The following CDK11B variants were observed in gnomAD, a reference collection of about 807,000 sequenced individuals.
The protein encoded by CDK11B is cyclin dependent kinase 11B.
In CDK11B, 37 loss-of-function variants were observed where a neutral mutation model predicts 84.0. That is an observed-to-expected ratio of 0.44 (90% confidence interval 0.34 to 0.58). The LOEUF (loss-of-function observed/expected upper bound fraction) is 0.58, where lower values mean the gene tolerates loss of function less well. Ranked by LOEUF, CDK11B falls within the 20% of genes least tolerant of loss-of-function variation. The pLI is 0.02. For synonymous variants in CDK11B, 269 were observed against 309.8 expected, an observed-to-expected ratio of 0.87 and a Z score of 1.38; for missense variants, 427 against 834.0, an observed-to-expected ratio of 0.51 and a Z score of 6.01.
intron 14 of CDK11B, 99 bp from the exon 15 acceptor site, chr1:1,637,301 C>T (rs1288431059): frequency 1.5e-5 from 23 of 1,570,208 alleles, no homozygotes; most frequent in Non-Finnish European, 2.0e-5. Context: ...CTTCTCAGGG[C>T]TTTCCCTGTG....
chr1:1,652,497 G>A lies in CDK11B; in HGVS notation c.297C>T (p.His99=). 1 of 1,513,416 alleles carries A rather than the reference G, an allele frequency of 6.6e-7. No individual in the cohort carries two copies. The highest frequency in any genetic ancestry group is 8.8e-7 in the Non-Finnish European group (1 of 1,140,204). 93.7% of individuals were successfully genotyped at this position (1,513,416 alleles called of 1,614,324 possible). A position where few individuals can be genotyped will look rare whatever the true frequency, so the allele number is the denominator to read the frequency against. ...QQMSRKEKAH[H]RKDEKRKEKR... ...TCTCTTTTCTCTTTTCATCTTTTCT[G>A]TGATGAGCTTTTTCTTTCCGAGACA... Residue 99 remains histidine, a synonymous_variant, in exon 4 of 20, where the codon CAC becomes CAT. Transcript: ENST00000341832.
At chr1:1,650,986 T>C (rs1488904684) in intron 4 of CDK11B, among the ~76,000 whole-genome samples, 13 of 152,172 alleles carry the variant, frequency 8.5e-5, no homozygotes, top group South Asian at 2.1e-4. Context: ...AATACAAAAA[T>C]CACTCTTCAC....
intron 6 of CDK11B, among the ~76,000 whole-genome samples, chr1:1,643,531 A>C (rs1196471219): frequency 6.7e-6 from 1 of 148,634 alleles, no homozygotes; most frequent in Non-Finnish European, 1.5e-5. Context: ...CTGACGGTAG[A>C]TGTCCCAAAG....
chr1:1,640,935 G>A lies in CDK11B; in HGVS notation c.1075+113C>T, dbSNP rs568255325. On this transcript the variant is annotated intron_variant, in intron 10 of 19. Transcript: ENST00000341832. ...GCCTGGAGCGGCCAACGAATCAGGC[G>A]GCCTCCCAGACCCTGGCGTGCCCCA... 2.7e-4 allele frequency: 400 copies of A among 1,493,436 alleles called. 2 individuals are homozygous for A. The highest frequency in any genetic ancestry group is 3.2e-4 in the Non-Finnish European group (357 of 1,111,688). 92.5% of individuals were successfully genotyped at this position (1,493,436 alleles called of 1,614,324 possible).
chr1:1,658,255 G>A (rs1386219966), intron 1 of CDK11B, among the ~76,000 whole-genome samples: 1 of 149,996 alleles, frequency 6.7e-6, no homozygotes, highest in Non-Finnish European at 1.5e-5. Flanking sequence ...TGAGATGGGA[G>A]ACCGATTGAG....
chr1:1,639,387 G>A lies in CDK11B; in HGVS notation c.1252-797C>T, dbSNP rs371972183. ...AGCTATGATTAAGCCACTCCACTCC[G>A]GCCTGGGTGACAGAGACAGACCCAG... On this transcript the variant is annotated intron_variant, in intron 11 of 19. Coordinates refer to ENST00000341832, the MANE Select transcript of CDK11B (RefSeq NM_033486.3). Among the ~76,000 whole-genome samples the A allele has an allele frequency of 2.1e-3, 317 of 151,754 alleles. 7 individuals are homozygous for A. The highest frequency in any genetic ancestry group is 6.6e-3 in the African/African-American group (271 of 41,332).
At chr1:1,652,872 C>G (rs1271430063) in intron 3 of CDK11B, among the ~76,000 whole-genome samples, 2 of 151,824 alleles carry the variant, frequency 1.3e-5, no homozygotes, top group Admixed American at 1.3e-4. Flanking sequence ...ACTACAGGCG[C>G]CCGCCGCCAC....
chr1:1,649,996 G>A (rs1319645727), intron 4 of CDK11B, among the ~76,000 whole-genome samples: 4 of 148,822 alleles, frequency 2.7e-5, no homozygotes, highest in South Asian at 4.2e-4. Flanking sequence ...AATTAAGACC[G>A]GGCGCGGTGG....
intron 4 of CDK11B, among the ~76,000 whole-genome samples, chr1:1,650,705 G>C (rs1370766802): frequency 4.4e-5 from 6 of 135,216 alleles, no homozygotes; most frequent in Non-Finnish European, 7.7e-5. Context: ...ACAGGGTCTC[G>C]CTATATTGGC....
Position 1,636,622 on chromosome 1 carries a change from G to T in CDK11B, c.1917+60C>A, listed in dbSNP as rs1287907798. 5.0e-6 allele frequency: 8 copies of T among 1,609,272 alleles called. No homozygotes were observed. The East Asian group carries it at 1.8e-4, about 36-fold the overall frequency. On this transcript the variant is annotated intron_variant, in intron 17 of 19. Transcript: ENST00000341832. ...CAACCCAGCACCTGTGCGCCCCGCA[G>T]CCCCATTCCTGCAACTCCTCCACAA...
chr1:1,653,818 C>G (rs1642331214), intron 3 of CDK11B, among the ~76,000 whole-genome samples: 1 of 96,452 alleles, frequency 1.0e-5, no homozygotes, highest in African/African-American at 4.4e-5. Flanking sequence ...TCCGTCTCTA[C>G]TAAAAATACA....
At chr1:1,658,493 A>T (rs1416183056) in intron 1 of CDK11B, among the ~76,000 whole-genome samples, 2 of 147,748 alleles carry the variant, frequency 1.4e-5, no homozygotes, top group East Asian at 4.0e-4. Context: ...TCATCCGTTT[A>T]AAGGCTCTTA....
chr1:1,650,036 G>A (rs1482321044), intron 4 of CDK11B, among the ~76,000 whole-genome samples: 2 of 150,750 alleles, frequency 1.3e-5, no homozygotes, highest in Non-Finnish European at 2.9e-5. Flanking sequence ...CACTCTGGGA[G>A]GCCGAGGTGG....
At chr1:1,653,050 C>T (rs1458021910) in intron 3 of CDK11B, among the ~76,000 whole-genome samples, 4 of 150,938 alleles carry the variant, frequency 2.7e-5, no homozygotes, top group Non-Finnish European at 2.9e-5. Flanking sequence ...GACGGAGTCT[C>T]GCTCTGTTGC....
chr1:1,645,918 A>C (rs905578020), intron 5 of CDK11B: 11 of 351,840 alleles, frequency 3.1e-5, no homozygotes, highest in African/African-American at 1.9e-4. Flanking sequence ...GGCTCACTGC[A>C]ACCTCCATCT....
In CDK11B at chr1:1,636,345, T is replaced by C; in HGVS notation, c.2054A>G (p.Asp685Gly). Residue 685 changes from aspartate (D) to glycine (G), a missense_variant, in exon 18 of 20, where the codon GAC becomes GGC. Physicochemically the swap from Asp to Gly is moderately conservative, Grantham distance 94. Around this residue, in one of 12 missense-constraint regions of CDK11B, gnomAD observed 170 missense variants for 196.0 expected, o/e 0.87. Transcript: ENST00000341832. ...GCACTGGGCTCACTTGTTCATGAGG[T>C]CGAAGCCCTGGTCTGAGAGCAGAGC... ...FGALLSDQGFDLMNKFLTYFP... is the reference protein window; with the variant it reads ...FGALLSDQGFGLMNKFLTYFP... 1.1e-5 allele frequency: 17 copies of C among 1,573,120 alleles called. No individual in the cohort carries two copies. The highest frequency in any genetic ancestry group is 1.4e-5 in the Non-Finnish European group (16 of 1,159,470).
Position 1,636,877 on chromosome 1 carries a change from C to G in CDK11B, c.1800+20G>C. On this transcript the variant is annotated intron_variant, in intron 16 of 19. Coordinates refer to ENST00000341832, the MANE Select transcript of CDK11B (RefSeq NM_033486.3). ...GGCTGCGTGGGGGACAGGGGAGGCACTCAGACGCCCAGGACTCACCTTGGC... is the reference window on the plus strand; with the variant it reads ...GGCTGCGTGGGGGACAGGGGAGGCAGTCAGACGCCCAGGACTCACCTTGGC... The G allele has an allele frequency of 1.2e-6, 2 of 1,609,712 alleles. No individual in the cohort carries two copies. The highest frequency in any genetic ancestry group is 1.7e-6 in the Non-Finnish European group (2 of 1,177,492).
chr1:1,652,318 G>A, intron 4 of CDK11B, 121 bp downstream of exon 4: 1 of 819,944 alleles, frequency 1.2e-6, no homozygotes. Context: ...ACACACGTAT[G>A]CTTTCAGCTA....
Position 1,655,494 on chromosome 1 carries a change from A to G in CDK11B, c.112-10T>C, listed in dbSNP as rs1642624683. 2.8e-5 allele frequency: 45 copies of G among 1,596,778 alleles called. No individual in the cohort carries two copies. The highest frequency in any genetic ancestry group is 3.8e-5 in the Non-Finnish European group (44 of 1,170,796). ...AATCCCGGTCATCAGACTAAGAAGC[A>G]AAGAGAAAGTTAATCATTTTCTTTA... On this transcript the variant is annotated splice_polypyrimidine_tract_variant and intron_variant, in intron 2 of 19. Transcript: ENST00000341832.
Sources: gnomAD v4.1 joint callset for allele counts (sites outside exome capture counted in the v4.1 genomes callset) on GRCh38, gnomAD v4.1.1 for gene constraint, gnomAD v4.1.1 regional missense constraint, MANE v1.5 for transcripts, NCBI Gene and HGNC (gene_info 2026-07-23, HGNC 2026-07-21) for gene names.